Variants in ZMYM1 observed in about 807,000 individuals in gnomAD.
ZMYM1 encodes the protein zinc finger MYM-type protein 1.
Under a neutral mutation model 60.0 loss-of-function variants are expected in ZMYM1, and 39 were observed. The ratio of observed to expected loss-of-function variants is 0.65; its 90% confidence interval spans 0.50 to 0.85. The LOEUF is 0.85. ZMYM1 is among the 40% of genes least tolerant of loss of function. The pLI is 0.00. For missense variants in ZMYM1, 1,171 were observed against 1,309.5 expected, an observed-to-expected ratio of 0.89 and a Z score of 1.63; for synonymous variants, 413 against 454.0, an observed-to-expected ratio of 0.91 and a Z score of 1.15.
intron 3 of ZMYM1, among the ~76,000 whole-genome samples, chr1:35,096,131 A>G (rs947766869): frequency 3.3e-5 from 5 of 151,896 alleles, no homozygotes; most frequent in African/African-American, 1.2e-4. Flanking sequence ...TGGCCAACAT[A>G]GTGAAACCCT....
At chr1:35,083,339 TG>T (rs1011208551) in intron 1 of ZMYM1, among the ~76,000 whole-genome samples, 4 of 151,982 alleles carry the variant, frequency 2.6e-5, no homozygotes, top group African/African-American at 9.7e-5. Context: ...TTTTTAGAGA[TG>T]GGGGTCTCAC....
intron 1 of ZMYM1, among the ~76,000 whole-genome samples, chr1:35,092,487 C>T (rs1446324533): frequency 4.9e-5 from 7 of 144,010 alleles, no homozygotes; most frequent in African/African-American, 1.5e-4. Flanking sequence ...GTGATCCACC[C>T]GTCTTGGCCT....
In ZMYM1 at chr1:35,113,457, C is replaced by A. The variant is rs780875114; in HGVS notation, c.1627C>A (p.His543Asn). ...DGAVSDDLSI[H>N]SKQIEGNKKY... ...AGCTGTCAGTGACGATTTATCTATT[C>A]ATTCGAAACAGATTGAGGGAAATAA... Residue 543 changes from histidine (H) to asparagine (N), a missense_variant, in exon 10 of 10, where the codon CAT (histidine) becomes AAT (asparagine). By Grantham distance (68) the His-to-Asn change is moderately conservative. Coordinates refer to ENST00000359858, the MANE Select transcript of ZMYM1 (RefSeq NM_024772.5). 1 of 1,613,206 alleles carries A rather than the reference C, an allele frequency of 6.2e-7. No individual in the cohort carries two copies. Among genetic ancestry groups the A allele is most frequent in the Admixed American group, 1.7e-5 (1 of 59,922 alleles).
Position 35,113,272 on chromosome 1 carries a change from AGTT to A in ZMYM1, c.1446_1448del (p.Leu482del). 1 of 1,612,848 alleles carries A rather than the reference AGTT, an allele frequency of 6.2e-7. No homozygotes were observed. The highest frequency in any genetic ancestry group is 8.5e-7 in the Non-Finnish European group (1 of 1,178,926). ...GATGTGGCATTCTGTTATTCATGCC[AGTT>A]GTTCTGCCAAAAATATTTTAGCTGT... On this transcript the variant is annotated inframe_deletion, in exon 10 of 10. Coordinates refer to ENST00000359858, the MANE Select transcript of ZMYM1 (RefSeq NM_024772.5).
At chr1:35,112,420 C>T (rs370776851) in intron 9 of ZMYM1, among the ~76,000 whole-genome samples, 4 of 149,912 alleles carry the variant, frequency 2.7e-5, no homozygotes, top group South Asian at 2.1e-4. Flanking sequence ...TCAGGTGATC[C>T]GCCCACCTTG....
rs1422416122 is a variant in ZMYM1 at position 35,084,836 on chromosome 1, T to G, written c.-75+5394T>G. On this transcript the variant is annotated intron_variant, in intron 1 of 9. Transcript: ENST00000359858. ...ATTATTTTTCTGTAGTTCCCTCCTC[T>G]CCCAGATTGTGCCTCTTGAGTTCCA... 2.6e-5 allele frequency among the ~76,000 whole-genome samples: 4 copies of G among 152,198 alleles called. No homozygotes were observed. The South Asian group carries it at 6.2e-4, about 24-fold the overall frequency.
chr1:35,064,311 AAAC>A (rs1404662603), intron 1 of ZMYM1, among the ~76,000 whole-genome samples: 4 of 110,990 alleles, frequency 3.6e-5, no homozygotes, highest in African/African-American at 2.1e-4. Context: ...AAAAAAAAAA[AAAC>A]AAAAAACACT....
intron 1 of ZMYM1, among the ~76,000 whole-genome samples, chr1:35,079,819 G>GT (rs1036490886): frequency 1.3e-5 from 2 of 152,118 alleles, no homozygotes; most frequent in Non-Finnish European, 2.9e-5. Flanking sequence ...TTTTTCAAAA[G>GT]TTTGACTCCT....
chr1:35,089,773 T>A (rs2148505547), intron 1 of ZMYM1, among the ~76,000 whole-genome samples: 1 of 99,192 alleles, frequency 1.0e-5, no homozygotes, highest in Middle Eastern at 0.01. Flanking sequence ...TGAGATGGAG[T>A]CTTGTTCTGT....
Position 35,113,092 on chromosome 1 carries a change from C to G in ZMYM1, c.1262C>G (p.Thr421Arg), listed in dbSNP as rs116729905. The G allele has an allele frequency of 6.2e-7, 1 of 1,613,972 alleles. No individual in the cohort carries two copies. Among genetic ancestry groups the G allele is most frequent in the African/African-American group, 1.3e-5 (1 of 75,002 alleles). Residue 421 changes from threonine (T) to arginine (R), a missense_variant, in exon 10 of 10, where the codon ACA (threonine) becomes AGA (arginine). Coordinates refer to ENST00000359858, the MANE Select transcript of ZMYM1 (RefSeq NM_024772.5). ...AGTCAGCATGCAATTGGTTCCAGTA[C>G]AGAAGTACAAAAAGACAATATGAAA... Reference protein sequence around the residue: ...VFSQHAIGSSTEVQKDNMKSM... With the variant: ...VFSQHAIGSSREVQKDNMKSM...
rs758658907 is a variant in ZMYM1 at position 35,073,903 on chromosome 1, C to T, written c.-300-5091C>T. ...TTCCGCCTCCCAGGTTCAAGCGATTCTTCTGCCTCAGCTGGGATTACAAGT... is the reference window on the plus strand; with the variant it reads ...TTCCGCCTCCCAGGTTCAAGCGATTTTTCTGCCTCAGCTGGGATTACAAGT... On this transcript the variant is annotated intron_variant, in intron 1 of 10. Transcript: ENST00000417119. 4.6e-5 allele frequency among the ~76,000 whole-genome samples: 7 copies of T among 152,120 alleles called. No homozygotes were observed. The South Asian group carries it at 1.2e-3, about 27-fold the overall frequency.
intron 3 of ZMYM1, among the ~76,000 whole-genome samples, chr1:35,097,114 G>A (rs1200932121): frequency 2.0e-5 from 3 of 152,090 alleles, no homozygotes; most frequent in Admixed American, 6.6e-5. Context: ...GTGAGCCACC[G>A]CACCAGGTGG....
downstream of ZMYM1, among the ~76,000 whole-genome samples, chr1:35,118,639 G>A (rs1368614044): frequency 2.6e-5 from 4 of 151,640 alleles, no homozygotes; most frequent in African/African-American, 7.3e-5. Flanking sequence ...CCCGGGAGGC[G>A]GAGCTTGCAG....
In ZMYM1 at chr1:35,106,588, G is replaced by A. The variant is rs1191515341; in HGVS notation, c.807+1819G>A. 2.4e-5 allele frequency among the ~76,000 whole-genome samples: 3 copies of A among 125,710 alleles called. No individual in the cohort carries two copies. The Admixed American group carries it at 2.9e-4, about 12-fold the overall frequency. 82.5% of individuals were successfully genotyped at this position (125,710 alleles called of 152,430 possible). ...GGCACCATTGCACTCCAGCCTAGGC[G>A]ACAGAGTGAGACTCCGTCTCAAAAA... On this transcript the variant is annotated intron_variant, in intron 6 of 9. Transcript: ENST00000359858.
chr1:35,111,411 G>T (rs1057194949), intron 7 of ZMYM1, among the ~76,000 whole-genome samples: 1 of 152,172 alleles, frequency 6.6e-6, no homozygotes, highest in Non-Finnish European at 1.5e-5. Flanking sequence ...ATGAATCCTG[G>T]AAGAGTTTGA....
intron 1 of ZMYM1, among the ~76,000 whole-genome samples, chr1:35,091,887 C>CAAAAA (rs779081046): frequency 0.016 from 1,370 of 84,482 alleles, 51 homozygotes; most frequent in African/African-American, 0.065. Context: ...GATCTTGTCT[C>CAAAAA]AAAAAAAAAA....
Position 35,114,110 on chromosome 1 carries a change from A to C in ZMYM1, c.2280A>C (p.Glu760Asp). Residue 760 changes from glutamate (E) to aspartate (D), a missense_variant, in exon 10 of 10, where the codon GAA becomes GAC. Transcript: ENST00000359858. The part of the protein sequence containing the change: ...LDLSIIRFCK[E>D]VKELRSALKT... ...TATCAATAATTAGGTTTTGTAAAGA[A>C]GTAAAAGAACTCCGAAGTGCTCTAA... The C allele has an allele frequency of 1.2e-6, 2 of 1,613,056 alleles. No homozygotes were observed. Among genetic ancestry groups the C allele is most frequent in the Non-Finnish European group, 1.7e-6 (2 of 1,179,692 alleles).
intron 1 of ZMYM1, among the ~76,000 whole-genome samples, chr1:35,088,966 C>A (rs1177424111): frequency 6.6e-6 from 1 of 151,880 alleles, no homozygotes; most frequent in Non-Finnish European, 1.5e-5. Flanking sequence ...CGCCCACCAC[C>A]ACGCCCGGCT....
chr1:35,116,290 G>A (rs1644248141), downstream of ZMYM1, among the ~76,000 whole-genome samples: 1 of 152,076 alleles, frequency 6.6e-6, no homozygotes, highest in South Asian at 2.1e-4. Context: ...TGAGCCATTT[G>A]TATTTCCTTT....
Sources: gnomAD v4.1 joint callset for allele counts (sites outside exome capture counted in the v4.1 genomes callset) on GRCh38, gnomAD v4.1.1 for gene constraint, MANE v1.5 for transcripts, NCBI Gene and HGNC (gene_info 2026-07-23, HGNC 2026-07-21) for gene names.